AFF3: variants seen among roughly 807,000 people sequenced by gnomAD.
AFF3 encodes the protein AF4/FMR2 family member 3.
Under a neutral mutation model 129.7 loss-of-function variants are expected in AFF3, and 32 were observed. That is an observed-to-expected ratio of 0.25 (90% confidence interval 0.19 to 0.33). The LOEUF (loss-of-function observed/expected upper bound fraction) is 0.33, where lower values mean the gene tolerates loss of function less well. Ranked by LOEUF, AFF3 falls within the 10% of genes least tolerant of loss-of-function variation. The probability of loss-of-function intolerance (pLI) is 1.00; values close to 1 mark genes in which losing one functional copy is unlikely to be tolerated. For missense variants in AFF3, 1,373 were observed against 1,592.0 expected (o/e 0.86, Z 2.34); for synonymous variants, 644 against 635.4 (o/e 1.01, Z -0.20).
chr2:99,823,259 C>A (rs10201341), intron 8 of AFF3, among the ~76,000 whole-genome samples: 288 of 142,634 alleles, frequency 2.0e-3, no homozygotes, highest in African/African-American at 7.2e-3. Flanking sequence ...CCTTCCCCAA[C>A]CCCCCGCCCG....
At chr2:99,704,475 C>T (rs543728799) in intron 11 of AFF3, among the ~76,000 whole-genome samples, 36 of 152,246 alleles carry the variant, frequency 2.4e-4, no homozygotes, top group African/African-American at 8.4e-4. Context: ...ATGGCCAACA[C>T]CAGGTGGCAA....
At chr2:99,713,018 T>G (rs1357765785) in intron 11 of AFF3, among the ~76,000 whole-genome samples, 3 of 152,178 alleles carry the variant, frequency 2.0e-5, no homozygotes, top group Non-Finnish European at 2.9e-5. Context: ...TCCACTTATA[T>G]GAGGTCCCCA....
intron 20 of AFF3, among the ~76,000 whole-genome samples, chr2:99,562,198 T>G (rs901697712): frequency 6.6e-6 from 1 of 152,256 alleles, no homozygotes; most frequent in Non-Finnish European, 1.5e-5. Flanking sequence ...TGTAGGTTTA[T>G]GTCTTTTGAC....
At chr2:99,656,700 T>C (rs1476693691) in intron 12 of AFF3, among the ~76,000 whole-genome samples, 2 of 152,220 alleles carry the variant, frequency 1.3e-5, no homozygotes, top group Non-Finnish European at 2.9e-5. Context: ...TTAATGGGTC[T>C]CTTAACTTTT....
chr2:99,807,860 CCTCTGGCAGTCCCCGCTGGCTCA>C lies in AFF3; in HGVS notation c.921+29594_921+29616del, dbSNP rs1394209245. Among the ~76,000 whole-genome samples the C allele has an allele frequency of 2.2e-3, 336 of 152,206 alleles. 2 individuals are homozygous for C. The highest frequency in any genetic ancestry group is 7.7e-3 in the African/African-American group (318 of 41,524). On this transcript the variant is annotated intron_variant, in intron 8 of 24. Transcript: ENST00000672756. ...TACCCTCTTGTTACTACAAAGCTGG[CCTCTGGCAGTCCCCGCTGGCTCA>C]CTCTGTTCCTGAATACAACCCCTCT... is the stretch of plus-strand genomic sequence containing the variant.
chr2:99,913,594 A>C (rs1288300478), intron 7 of AFF3, among the ~76,000 whole-genome samples: 1 of 152,326 alleles, frequency 6.6e-6, no homozygotes, highest in South Asian at 2.1e-4. Flanking sequence ...AGTAGTAATG[A>C]GCACATGTGG....
chr2:100,005,789 T>C (rs990984010), intron 7 of AFF3, among the ~76,000 whole-genome samples: 1 of 152,182 alleles, frequency 6.6e-6, no homozygotes, highest in Non-Finnish European at 1.5e-5. Flanking sequence ...CTCAGCCTTG[T>C]CAAAAATGCA....
chr2:99,577,584 G>A (rs1677121778), intron 18 of AFF3, among the ~76,000 whole-genome samples: 1 of 152,218 alleles, frequency 6.6e-6, no homozygotes, highest in Admixed American at 6.5e-5. Flanking sequence ...TGTTCACCCA[G>A]CCATGTATTT....
chr2:99,763,565 A>G (rs1169108336), intron 8 of AFF3, among the ~76,000 whole-genome samples: 3 of 152,022 alleles, frequency 2.0e-5, no homozygotes, highest in Non-Finnish European at 2.9e-5. Flanking sequence ...AACAACAACA[A>G]CAATAATTAG....
chr2:99,882,496 C>A (rs1692799258), intron 7 of AFF3, among the ~76,000 whole-genome samples: 1 of 152,218 alleles, frequency 6.6e-6, no homozygotes, highest in Admixed American at 6.5e-5. Flanking sequence ...TGAAGCACAT[C>A]CTCAGTCTGC....
At chr2:100,000,109 T>C (rs553861563) in intron 7 of AFF3, among the ~76,000 whole-genome samples, 1 of 152,352 alleles carries the variant, frequency 6.6e-6, no homozygotes, top group Admixed American at 6.5e-5. Context: ...TAAGTGATTC[T>C]ACTGCTCAGC....
chr2:99,641,712 A>C (rs1684209251), intron 13 of AFF3, among the ~76,000 whole-genome samples: 1 of 152,176 alleles, frequency 6.6e-6, no homozygotes, highest in African/African-American at 2.4e-5. Flanking sequence ...AAATGAAATG[A>C]AATGGAGTTT....
intron 7 of AFF3, among the ~76,000 whole-genome samples, chr2:99,929,962 A>G (rs1314742495): frequency 6.6e-6 from 1 of 151,972 alleles, no homozygotes; most frequent in East Asian, 1.9e-4. Flanking sequence ...ATGTGTTACA[A>G]ACTCAGGAAA....
chr2:99,774,571 C>T (rs2105342995), intron 8 of AFF3, among the ~76,000 whole-genome samples: 1 of 152,246 alleles, frequency 6.6e-6, no homozygotes. Context: ...CCCTTCCTTA[C>T]ACCATATACA....
At chr2:99,791,863 C>T (rs757674385) in intron 8 of AFF3, among the ~76,000 whole-genome samples, 16 of 150,882 alleles carry the variant, frequency 1.1e-4, no homozygotes, top group Non-Finnish European at 1.5e-4. Flanking sequence ...TTAAAATGGA[C>T]CCCAGGCATC....
At chr2:99,745,230 G>A (rs7561590) in intron 9 of AFF3, among the ~76,000 whole-genome samples, 9,142 of 152,080 alleles carry the variant, frequency 0.06, 929 homozygotes, top group African/African-American at 0.21. Context: ...TTGTCTTTTT[G>A]TTGTTGAGTT....
intron 12 of AFF3, among the ~76,000 whole-genome samples, chr2:99,669,374 A>T (rs1364407980): frequency 6.6e-6 from 1 of 152,234 alleles, no homozygotes; most frequent in Non-Finnish European, 1.5e-5. Flanking sequence ...ATGAAATAGG[A>T]TACAGCAATG....
intron 8 of AFF3, among the ~76,000 whole-genome samples, chr2:99,756,742 A>T (rs1682130848): frequency 6.6e-6 from 1 of 152,190 alleles, no homozygotes; most frequent in East Asian, 1.9e-4. Context: ...ACTCTCAAAG[A>T]AGTCTTTATA....
intron 10 of AFF3, among the ~76,000 whole-genome samples, chr2:99,736,822 C>A (rs1680304804): frequency 6.6e-6 from 1 of 151,896 alleles, no homozygotes; most frequent in Non-Finnish European, 1.5e-5. Context: ...GTTGGCCAGG[C>A]TTGTCTCGAA....
Sources: allele counts gnomAD v4.1 joint callset (sites outside exome capture counted in the v4.1 genomes callset), GRCh38; gene constraint gnomAD v4.1.1; transcripts MANE v1.5; gene names NCBI Gene and HGNC (gene_info 2026-07-23, HGNC 2026-07-21).